IQCJ: variants seen among roughly 807,000 people sequenced by gnomAD.
The protein encoded by IQCJ is IQ motif containing J, also known as IQ domain-containing protein J.
In IQCJ, 9 loss-of-function variants were observed where a neutral mutation model predicts 11.0. The ratio of observed to expected loss-of-function variants is 0.82; its 90% CI spans 0.49 to 1.43. The LOEUF (loss-of-function observed/expected upper bound fraction) is 1.43. IQCJ is among the 40% of genes most tolerant of loss of function. The pLI is 0.00. For missense variants in IQCJ, 146 were observed against 133.2 expected (o/e 1.10, Z -0.47); for synonymous variants, 55 against 51.3 (o/e 1.07, Z -0.31).
intron 1 of IQCJ, among the ~76,000 whole-genome samples, chr3:159,164,881 A>T (rs1722076459): frequency 6.6e-6 from 1 of 152,214 alleles, no homozygotes; most frequent in Non-Finnish European, 1.5e-5. Flanking sequence ...GTATACCATG[A>T]TTAAGCATTT....
intron 1 of IQCJ, among the ~76,000 whole-genome samples, chr3:159,216,826 A>G (rs559124106): frequency 2.8e-4 from 42 of 152,312 alleles, no homozygotes; most frequent in African/African-American, 9.9e-4. Context: ...AAAAACAAAT[A>G]AAGTGACTTA....
At chr3:159,138,704 A>T (rs555885179) in intron 1 of IQCJ, among the ~76,000 whole-genome samples, 20 of 152,248 alleles carry the variant, frequency 1.3e-4, no homozygotes, top group African/African-American at 4.6e-4. Context: ...TGTTCGTGTT[A>T]ATGGTCATGT....
chr3:159,094,792 TAATG>T (rs1230999837), intron 1 of IQCJ, among the ~76,000 whole-genome samples: 1 of 151,946 alleles, frequency 6.6e-6, no homozygotes, highest in East Asian at 1.9e-4. Flanking sequence ...ATGGGTCAAA[TAATG>T]AATGGTATTT....
intron 1 of IQCJ, among the ~76,000 whole-genome samples, chr3:159,128,342 C>A (rs1439472512): frequency 6.6e-6 from 1 of 152,062 alleles, no homozygotes; most frequent in African/African-American, 2.4e-5. Flanking sequence ...GGATAGAAAT[C>A]CAGACATTAA....
At chr3:159,196,013 T>C (rs943425398) in intron 1 of IQCJ, among the ~76,000 whole-genome samples, 7 of 152,206 alleles carry the variant, frequency 4.6e-5, no homozygotes, top group African/African-American at 1.7e-4. Context: ...CACACATTAG[T>C]ATACTTACCC....
At chr3:159,200,383 T>C (rs1577076423) in intron 1 of IQCJ, among the ~76,000 whole-genome samples, 1 of 152,064 alleles carries the variant, frequency 6.6e-6, no homozygotes, top group Non-Finnish European at 1.5e-5. Flanking sequence ...AAAGAGGAAG[T>C]GGAATGGCCT....
At chr3:159,167,916 TC>T (rs1486511306) in intron 1 of IQCJ, among the ~76,000 whole-genome samples, 1 of 152,176 alleles carries the variant, frequency 6.6e-6, no homozygotes, top group Non-Finnish European at 1.5e-5. Flanking sequence ...TACAAACTAT[TC>T]TTTGTCACTT....
chr3:159,247,516 A>G (rs779524685), intron 2 of IQCJ, among the ~76,000 whole-genome samples: 1 of 152,234 alleles, frequency 6.6e-6, no homozygotes, highest in Non-Finnish European at 1.5e-5. Flanking sequence ...TTGGACAAAA[A>G]GGAAGGATCT....
At chr3:159,088,944 G>A (rs950710645) in intron 1 of IQCJ, among the ~76,000 whole-genome samples, 3 of 151,822 alleles carry the variant, frequency 2.0e-5, no homozygotes, top group African/African-American at 7.3e-5. Context: ...TGTTATGTGT[G>A]AATTTGATCC....
intron 1 of IQCJ, among the ~76,000 whole-genome samples, chr3:159,095,488 A>T (rs1468533530): frequency 7.6e-6 from 1 of 130,834 alleles, no homozygotes; most frequent in African/African-American, 3.0e-5. Flanking sequence ...AGCATTAGGT[A>T]TATCTCCCAA....
intron 1 of IQCJ, among the ~76,000 whole-genome samples, chr3:159,198,822 T>A (rs1724147203): frequency 6.6e-6 from 1 of 152,188 alleles, no homozygotes; most frequent in Non-Finnish European, 1.5e-5. Context: ...TGCTTCTGAA[T>A]TTAAGTAAAA....
At chr3:159,121,813 A>T (rs1304013547) in intron 1 of IQCJ, among the ~76,000 whole-genome samples, 1 of 152,224 alleles carries the variant, frequency 6.6e-6, no homozygotes, top group Non-Finnish European at 1.5e-5. Flanking sequence ...CAGAAAGGAT[A>T]TTCTGACTTC....
In IQCJ at chr3:159,263,687, A is replaced by G. The variant is rs368239535; in HGVS notation, c.*956A>G. 8.0e-5 allele frequency: 79 copies of G among 985,446 alleles called. No homozygotes were observed. In the East Asian group the frequency reaches 7.3e-3, roughly 91 times the overall value. 61.0% of individuals were successfully genotyped at this position (985,446 alleles called of 1,614,324 possible). A position where few individuals can be genotyped will look rare whatever the true frequency, so the allele number is the denominator to read the frequency against. ...AACGCAATGTATTCTTTTTGGGATCAGGTAAAAGTTACTGTATTTGAAATG... is the reference window on the plus strand; with the variant it reads ...AACGCAATGTATTCTTTTTGGGATCGGGTAAAAGTTACTGTATTTGAAATG... On this transcript the variant is annotated 3_prime_UTR_variant, in exon 4 of 4. Transcript: ENST00000397832.
intron 1 of IQCJ, among the ~76,000 whole-genome samples, chr3:159,114,559 C>G (rs1036192909): frequency 5.3e-5 from 8 of 152,072 alleles, no homozygotes; most frequent in African/African-American, 1.4e-4. Context: ...GATCCACCCC[C>G]CCTCGGCCTC....
Position 159,177,781 on chromosome 3 carries a change from G to A in IQCJ, c.10-68062G>A, listed in dbSNP as rs1422927594. 2.6e-5 allele frequency among the ~76,000 whole-genome samples: 4 copies of A among 152,128 alleles called. 1 individual carries two copies. The highest frequency in any genetic ancestry group is 4.1e-4 in the South Asian group (2 of 4,830). ...TTAAAGAAGTTTTAAAAATGTATTG[G>A]GTAATTAGTGAATGCTAGGACCAAA... On this transcript the variant is annotated intron_variant, in intron 1 of 3. Coordinates refer to ENST00000397832, the MANE Select transcript of IQCJ (RefSeq NM_001042706.3).
chr3:159,137,926 A>ATATC (rs1294796979), intron 1 of IQCJ, among the ~76,000 whole-genome samples: 2 of 152,244 alleles, frequency 1.3e-5, no homozygotes, highest in African/African-American at 4.8e-5. Context: ...AGATTTCTGT[A>ATATC]TATCTGTATA....
chr3:159,254,168 T>C (rs1727762626), intron 3 of IQCJ, among the ~76,000 whole-genome samples: 1 of 152,234 alleles, frequency 6.6e-6, no homozygotes, highest in Admixed American at 6.5e-5. Flanking sequence ...TAAGGTCCTG[T>C]TAAATGAAAA....
chr3:159,152,710 A>G (rs144363254), intron 1 of IQCJ, among the ~76,000 whole-genome samples: 4 of 152,364 alleles, frequency 2.6e-5, no homozygotes, highest in African/African-American at 9.6e-5. Context: ...ATTAGACATT[A>G]TCTTTGCTCC....
chr3:159,105,832 T>C (rs900388188), intron 1 of IQCJ, among the ~76,000 whole-genome samples: 26 of 152,142 alleles, frequency 1.7e-4, no homozygotes, highest in African/African-American at 6.3e-4. Flanking sequence ...CGCAGCCGTA[T>C]AGGACATGAT....
Sources: allele counts gnomAD v4.1 joint callset (sites outside exome capture counted in the v4.1 genomes callset), GRCh38; gene constraint gnomAD v4.1.1; transcripts MANE v1.5; gene names NCBI Gene and HGNC (gene_info 2026-07-23, HGNC 2026-07-21).